Variants in THSD7B observed in about 807,000 individuals in gnomAD.
THSD7B encodes thrombospondin type 1 domain containing 7B, also known as thrombospondin type-1 domain-containing protein 7B.
In THSD7B, 138 loss-of-function variants were observed where a neutral mutation model predicts 213.6. The ratio of observed to expected loss-of-function variants is 0.65; its 90% CI spans 0.56 to 0.74. The LOEUF (loss-of-function observed/expected upper bound fraction) is 0.74, where lower values mean the gene tolerates loss of function less well. Ranked by LOEUF, THSD7B falls within the 30% of genes least tolerant of loss-of-function variation. The pLI is 0.00. For missense variants in THSD7B, 1,931 were observed against 1,991.5 expected, an observed-to-expected ratio of 0.97 and a Z score of 0.58; for synonymous variants, 742 against 687.0, an observed-to-expected ratio of 1.08 and a Z score of -1.25.
At chr2:137,294,926 T>G (rs1386161154) in intron 12 of THSD7B, among the ~76,000 whole-genome samples, 1 of 152,118 alleles carries the variant, frequency 6.6e-6, no homozygotes, top group East Asian at 1.9e-4. Context: ...TCACAGAATT[T>G]TAACTAATAC....
chr2:137,070,977 G>A (rs970322708), intron 3 of THSD7B, among the ~76,000 whole-genome samples: 2 of 152,094 alleles, frequency 1.3e-5, no homozygotes, highest in Non-Finnish European at 2.9e-5. Context: ...GGACATTTAG[G>A]TTAGCTCCAA....
chr2:137,380,475 A>G (rs901512170), intron 12 of THSD7B, among the ~76,000 whole-genome samples: 1 of 152,172 alleles, frequency 6.6e-6, no homozygotes, highest in South Asian at 2.1e-4. Flanking sequence ...ATCTTCATTT[A>G]TTCATAAGCT....
chr2:137,213,624 G>T (rs1391304046), intron 7 of THSD7B, among the ~76,000 whole-genome samples: 1 of 151,712 alleles, frequency 6.6e-6, no homozygotes, highest in Non-Finnish European at 1.5e-5. Context: ...ATAAAATTAA[G>T]TGGCAAGGCA....
intron 12 of THSD7B, among the ~76,000 whole-genome samples, chr2:137,373,944 A>G (rs1685592729): frequency 6.6e-6 from 1 of 152,188 alleles, no homozygotes; most frequent in Non-Finnish European, 1.5e-5. Context: ...AGCACCATTT[A>G]TTAAATAGGG....
At chr2:137,060,502 T>C (rs1008281328) in intron 3 of THSD7B, among the ~76,000 whole-genome samples, 6 of 151,946 alleles carry the variant, frequency 3.9e-5, no homozygotes, top group African/African-American at 1.4e-4. Flanking sequence ...TTATTATATT[T>C]AGGTCTATCA....
At chr2:137,337,838 A>G (rs1458317181) in intron 12 of THSD7B, among the ~76,000 whole-genome samples, 1 of 152,050 alleles carries the variant, frequency 6.6e-6, no homozygotes, top group Non-Finnish European at 1.5e-5. Flanking sequence ...ATGAGTTTTA[A>G]TCCATTACTA....
chr2:136,884,626 G>A (rs1211532952), intron 2 of THSD7B, among the ~76,000 whole-genome samples: 1 of 152,148 alleles, frequency 6.6e-6, no homozygotes, highest in African/African-American at 2.4e-5. Context: ...GTGCATGTAT[G>A]TATACACACA....
chr2:137,190,609 G>T (rs577944156), intron 7 of THSD7B, among the ~76,000 whole-genome samples: 2 of 152,202 alleles, frequency 1.3e-5, no homozygotes, highest in Non-Finnish European at 2.9e-5. Context: ...CGGTCCTTCT[G>T]GTCATCCTTT....
chr2:137,062,755 A>T (rs1381410857), intron 3 of THSD7B, among the ~76,000 whole-genome samples: 1 of 151,656 alleles, frequency 6.6e-6, no homozygotes, highest in African/African-American at 2.4e-5. Flanking sequence ...TTTTATGTGA[A>T]CTCGAGAAGA....
chr2:137,322,595 C>A (rs1684285590), intron 12 of THSD7B, among the ~76,000 whole-genome samples: 1 of 152,200 alleles, frequency 6.6e-6, no homozygotes, highest in African/African-American at 2.4e-5. Context: ...CAGGCCCATT[C>A]AGAGTCCAGA....
chr2:137,180,557 G>A (rs572740375), intron 7 of THSD7B, among the ~76,000 whole-genome samples: 193 of 152,238 alleles, frequency 1.3e-3, no homozygotes, highest in African/African-American at 4.6e-3. Context: ...AATGTTTATA[G>A]AATTTGAAAG....
chr2:137,228,008 C>A (rs180888746), intron 7 of THSD7B, among the ~76,000 whole-genome samples: 71 of 152,190 alleles, frequency 4.7e-4, no homozygotes, highest in South Asian at 1.5e-3. Context: ...TTATTTGATT[C>A]CTACAAATGA....
chr2:137,391,547 G>A (rs767153529), intron 12 of THSD7B, among the ~76,000 whole-genome samples: 18 of 151,954 alleles, frequency 1.2e-4, no homozygotes, highest in Non-Finnish European at 2.2e-4. Context: ...AATTAGCCGG[G>A]CATGGTAGCA....
intron 17 of THSD7B, among the ~76,000 whole-genome samples, chr2:137,572,864 C>A (rs565028138): frequency 1.3e-5 from 2 of 152,084 alleles, no homozygotes; most frequent in South Asian, 2.1e-4. Flanking sequence ...TCTTTAGTAA[C>A]AAAATGATTC....
chr2:137,578,210 T>C (rs1265129012), intron 17 of THSD7B, among the ~76,000 whole-genome samples: 2 of 152,090 alleles, frequency 1.3e-5, no homozygotes, highest in African/African-American at 4.8e-5. Context: ...CAACCAGAGT[T>C]GGAGAGGTAC....
At chr2:137,189,757 T>C (rs1407155530) in intron 7 of THSD7B, among the ~76,000 whole-genome samples, 15 of 152,098 alleles carry the variant, frequency 9.9e-5, no homozygotes, top group Non-Finnish European at 1.5e-4. Context: ...ACTCTGACTA[T>C]GCGGACCTCA....
At chr2:136,836,275 T>C (rs1682841315) in intron 1 of THSD7B, among the ~76,000 whole-genome samples, 1 of 152,180 alleles carries the variant, frequency 6.6e-6, no homozygotes, top group Non-Finnish European at 1.5e-5. Context: ...CAACTACAAA[T>C]TGAACAACTG....
intron 15 of THSD7B, among the ~76,000 whole-genome samples, chr2:137,526,086 C>T (rs1680272349): frequency 6.6e-6 from 1 of 152,094 alleles, no homozygotes; most frequent in African/African-American, 2.4e-5. Flanking sequence ...TCTTCTCCCT[C>T]CTTCCCCTGG....
intron 14 of THSD7B, among the ~76,000 whole-genome samples, chr2:137,424,536 T>C (rs2105030437): frequency 6.6e-6 from 1 of 152,228 alleles, no homozygotes; most frequent in African/African-American, 2.4e-5. Context: ...TATACAAAGA[T>C]TAAGTGAGAT....
Sources: allele counts gnomAD v4.1 joint callset (sites outside exome capture counted in the v4.1 genomes callset), GRCh38; gene constraint gnomAD v4.1.1; transcripts MANE v1.5; gene names NCBI Gene and HGNC (gene_info 2026-07-23, HGNC 2026-07-21).